The following CHD6 variants were observed in gnomAD, a reference collection of about 807,000 sequenced individuals.
The protein encoded by CHD6 is chromodomain helicase DNA binding protein 6, also known as ATP-dependent chromatin remodeler CHD6.
A neutral mutation model predicts 276.9 loss-of-function variants in CHD6; 50 were observed. The ratio of observed to expected loss-of-function variants is 0.18; its 90% CI spans 0.14 to 0.23. The LOEUF (loss-of-function observed/expected upper bound fraction) is 0.23. Ranked by LOEUF, CHD6 falls within the 10% of genes least tolerant of loss-of-function variation. The probability of loss-of-function intolerance (pLI) is 1.00; values close to 1 mark genes in which losing one functional copy is unlikely to be tolerated. For synonymous variants in CHD6, 1,173 were observed against 1,229.3 expected, an observed-to-expected ratio of 0.95 and a Z score of 0.96; for missense variants, 2,564 against 3,365.8, an observed-to-expected ratio of 0.76 and a Z score of 5.89.
At chr20:41,614,232 T>G (rs968564860) in intron 1 of CHD6, among the ~76,000 whole-genome samples, 3 of 152,194 alleles carry the variant, frequency 2.0e-5, no homozygotes, top group African/African-American at 7.2e-5. Flanking sequence ...ACTTTCTACT[T>G]ATGTTTGGAT....
intron 1 of CHD6, among the ~76,000 whole-genome samples, chr20:41,580,730 T>C (rs2045528791): frequency 6.7e-6 from 1 of 150,046 alleles, no homozygotes; most frequent in African/African-American, 2.5e-5. Flanking sequence ...GGAGACACTA[T>C]AAAAACAACA....
intron 3 of CHD6, 106 bp from the exon 4 acceptor site, chr20:41,515,058 C>A (rs2044218660): frequency 3.3e-6 from 4 of 1,223,740 alleles, no homozygotes; most frequent in Non-Finnish European, 4.6e-6. Context: ...AGGACCAGGG[C>A]AGGCTTTAAT....
intron 1 of CHD6, among the ~76,000 whole-genome samples, chr20:41,616,330 C>G (rs1019010560): frequency 6.6e-6 from 1 of 152,160 alleles, no homozygotes; most frequent in Admixed American, 6.5e-5. Context: ...AACAGAAGAG[C>G]TAAATGTGAA....
At chr20:41,574,231 T>C (rs962043874) in intron 1 of CHD6, among the ~76,000 whole-genome samples, 12 of 152,160 alleles carry the variant, frequency 7.9e-5, no homozygotes, top group Admixed American at 3.3e-4. Context: ...TACTTCTTTG[T>C]ATGTTATTGT....
At chr20:41,598,371 C>T (rs1235712681) in intron 1 of CHD6, among the ~76,000 whole-genome samples, 1 of 152,148 alleles carries the variant, frequency 6.6e-6, no homozygotes, top group East Asian at 1.9e-4. Context: ...AGATTTAAAA[C>T]CCACCCTAGC....
At chr20:41,465,005 T>C (rs1421957490) in intron 17 of CHD6, among the ~76,000 whole-genome samples, 1 of 152,148 alleles carries the variant, frequency 6.6e-6, no homozygotes, top group African/African-American at 2.4e-5. Flanking sequence ...AATACTGATA[T>C]AAATAAATGG....
intron 3 of CHD6, among the ~76,000 whole-genome samples, chr20:41,524,238 G>A (rs956900631): frequency 2.0e-5 from 3 of 152,178 alleles, no homozygotes; most frequent in East Asian, 1.9e-4. Flanking sequence ...GGTATTAACT[G>A]AGTCTACATA....
intron 2 of CHD6, among the ~76,000 whole-genome samples, chr20:41,535,078 GA>G (rs2044796962): frequency 6.6e-6 from 1 of 152,108 alleles, no homozygotes; most frequent in Non-Finnish European, 1.5e-5. Flanking sequence ...GGCTTTCAAA[GA>G]TAACATAAAA....
chr20:41,438,950 T>C (rs749639456), intron 26 of CHD6, among the ~76,000 whole-genome samples: 13 of 152,266 alleles, frequency 8.5e-5, no homozygotes, highest in South Asian at 2.1e-4. Flanking sequence ...CCTGAGCAAA[T>C]AGTTAGGGGC....
At position 41,403,119 on chromosome 20, in the gene CHD6, A is replaced by G. The variant is rs2046576680; in HGVS notation, c.*1474T>C. 3.9e-6 allele frequency: 1 copy of G among 258,640 alleles called. No homozygotes were observed. The highest frequency in any genetic ancestry group is 6.9e-6 in the Non-Finnish European group (1 of 144,878). 16.0% of individuals were successfully genotyped at this position (258,640 alleles called of 1,614,324 possible). A position where few individuals can be genotyped will look rare whatever the true frequency, so the allele number is the denominator to read the frequency against. ...ATAAATAAATAATGCAAAATGAAAT[A>G]GTTATGTCAGACTTTTGGACCTTCT... On this transcript the variant is annotated 3_prime_UTR_variant, in exon 37 of 37. Coordinates refer to ENST00000373233, the MANE Select transcript of CHD6 (RefSeq NM_032221.5).
chr20:41,422,011 T>C lies in CHD6; in HGVS notation c.4624A>G (p.Ile1542Val). The change falls in exon 31 of 37, where the codon ATT becomes GTT. Residue 1542 changes from isoleucine to valine, a missense_variant. Around this residue, in one of 7 missense-constraint regions of CHD6, gnomAD observed 515 missense variants for 739.5 expected, o/e 0.70. Coordinates refer to ENST00000373233, the MANE Select transcript of CHD6 (RefSeq NM_032221.5). ...TCTCGGACTTTCCGTAACAGTTCAA[T>C]GCGGTACAGAGTTCTTGCAGCACGT... ...EERAARTLYR[I>V]ELLRKVREQV... 2.5e-6 allele frequency: 4 copies of C among 1,614,192 alleles called. No homozygotes were observed. The highest frequency in any genetic ancestry group is 3.4e-6 in the Non-Finnish European group (4 of 1,180,020).
chr20:41,530,738 T>C (rs1217227236), intron 3 of CHD6, among the ~76,000 whole-genome samples: 1 of 152,222 alleles, frequency 6.6e-6, no homozygotes, highest in Non-Finnish European at 1.5e-5. Flanking sequence ...AAGAATTCTA[T>C]TATGTTACAG....
chr20:41,407,949 CA>C (rs1437199251), intron 36 of CHD6, among the ~76,000 whole-genome samples: 3 of 152,102 alleles, frequency 2.0e-5, no homozygotes, highest in Non-Finnish European at 2.9e-5. Context: ...GCCTGCTTTA[CA>C]GAGAATTTAC....
intron 16 of CHD6, among the ~76,000 whole-genome samples, chr20:41,479,916 G>C (rs962344658): frequency 3.9e-5 from 6 of 152,200 alleles, no homozygotes; most frequent in Admixed American, 3.9e-4. Flanking sequence ...CACATACACA[G>C]ACTAAGAATC....
At chr20:41,526,632 T>A (rs886450536) in intron 3 of CHD6, among the ~76,000 whole-genome samples, 1 of 152,142 alleles carries the variant, frequency 6.6e-6, no homozygotes, top group Non-Finnish European at 1.5e-5. Context: ...GGTAAAATGC[T>A]GGATTTGGGA....
intron 11 of CHD6, among the ~76,000 whole-genome samples, chr20:41,490,651 A>G (rs1176101673): frequency 6.6e-6 from 1 of 152,110 alleles, no homozygotes; most frequent in Admixed American, 6.5e-5. Context: ...CATCTCTATT[A>G]AAAATACAAA....
At position 41,544,359 on chromosome 20, in the gene CHD6, A is replaced by G. The variant is rs535278246; in HGVS notation, c.33+6946T>C. Among the ~76,000 whole-genome samples the G allele has an allele frequency of 9.2e-5, 14 of 152,316 alleles. 1 individual carries two copies. In the South Asian group the frequency reaches 2.1e-3, roughly 23 times the overall value. ...ATCATCACTTTGAAGCTGCTTCAAA[A>G]ACTTGGTCACCAGAGCTTCCCAGAC... is the stretch of plus-strand genomic sequence containing the variant. On this transcript the variant is annotated intron_variant, in intron 2 of 36. Coordinates refer to ENST00000373233, the MANE Select transcript of CHD6 (RefSeq NM_032221.5).
In CHD6 at chr20:41,484,456, T is replaced by C; in HGVS notation, c.2153A>G (p.Asn718Ser). Residue 718 changes from asparagine to serine, a missense_variant, in exon 15 of 37, where the codon AAC (asparagine) becomes AGC (serine). Asn to Ser is a conservative substitution (Grantham distance 46). Around this residue, in one of 7 missense-constraint regions of CHD6, gnomAD observed 457 missense variants for 889.0 expected, o/e 0.51. Transcript: ENST00000373233. ...TGCCCCCTTGGTCAGGAAGGAAAAG[T>C]TCTTCTCGAGGATGGCACGGTAGTA... ...KKYYRAILEK[N>S]FSFLTKGANQ... 1.2e-6 allele frequency: 2 copies of C among 1,613,866 alleles called. No homozygotes were observed. The highest frequency in any genetic ancestry group is 1.7e-6 in the Non-Finnish European group (2 of 1,179,854).
intron 27 of CHD6, among the ~76,000 whole-genome samples, chr20:41,432,448 T>C (rs2047574740): frequency 6.6e-6 from 1 of 152,104 alleles, no homozygotes; most frequent in African/African-American, 2.4e-5. Context: ...CCCTGACAAG[T>C]AGTAATGAGG....
Sources: gnomAD v4.1 joint callset for allele counts (sites outside exome capture counted in the v4.1 genomes callset) on GRCh38, gnomAD v4.1.1 for gene constraint, gnomAD v4.1.1 regional missense constraint, MANE v1.5 for transcripts, NCBI Gene and HGNC (gene_info 2026-07-23, HGNC 2026-07-21) for gene names.